The following HSH2D variants were observed in gnomAD, a reference collection of about 807,000 sequenced individuals.
The protein encoded by HSH2D is hematopoietic SH2 domain-containing protein.
A neutral mutation model predicts 21.5 loss-of-function variants in HSH2D; 16 were observed. The ratio of observed to expected loss-of-function variants is 0.74; its 90% confidence interval spans 0.50 to 1.13. The LOEUF is 1.13. Ranked by LOEUF, HSH2D falls within the 50% of genes most tolerant of loss-of-function variation. The pLI, the probability that HSH2D is intolerant of heterozygous loss-of-function variation, is 0.00. For synonymous variants in HSH2D, 172 were observed against 184.7 expected (o/e 0.93, Z 0.56); for missense variants, 418 against 441.4 (o/e 0.95, Z 0.47).
In HSH2D at chr19:16,157,788, C is replaced by A. The variant is rs1321457944; in HGVS notation, c.1053C>A (p.Tyr351Ter). 36 of 1,596,276 alleles carry A rather than the reference C, an allele frequency of 2.3e-5. No individual in the cohort carries two copies. Among genetic ancestry groups the A allele is most frequent in the Non-Finnish European group, 3.0e-5 (35 of 1,175,020 alleles). ...YQQPPPFAPG[Y>*]C ...AACCGCCACCCTTTGCCCCTGGGTA[C>A]TGCTAGAGAACAGGTCCACCCTGGC... Residue 351 changes from tyrosine to a stop codon, truncating the protein, a stop_gained, in exon 6 of 6, where the codon TAC becomes TAA. Coordinates refer to ENST00000613986, the MANE Select transcript of HSH2D (RefSeq NM_001382417.1). LOFTEE classifies it high-confidence loss of function. This position sits in a 1 kb window ranked among gnomAD's most constrained non-coding sequence, Gnocchi z 4.4.
upstream of HSH2D, among the ~76,000 whole-genome samples, chr19:16,138,821 C>T (rs1169409880): frequency 1.1e-4 from 17 of 151,858 alleles, no homozygotes; most frequent in Admixed American, 1.1e-3. Flanking sequence ...TCTGTCTCCT[C>T]ATAGACTGTG....
chr19:16,142,191 A>G (rs570840906), upstream of HSH2D: 23 of 152,212 alleles, frequency 1.5e-4, no homozygotes, highest in Non-Finnish European at 2.6e-4. Flanking sequence ...GTCCAGGCTC[A>G]ATTCAGTTTC....
chr19:16,151,336 AAAAAAAG>A, intron 2 of HSH2D: 2 of 261,258 alleles, frequency 7.7e-6, no homozygotes, highest in South Asian at 3.3e-5. Flanking sequence ...AAAAAAAAAA[AAAAAAAG>A]AGAGAGAGAG....
intron 1 of HSH2D, among the ~76,000 whole-genome samples, chr19:16,134,952 C>T (rs999541300): frequency 6.7e-6 from 1 of 149,898 alleles, no homozygotes; most frequent in African/African-American, 2.5e-5. Flanking sequence ...TAGTGAGACC[C>T]CATCTCTAAA....
chr19:16,154,414 G>A lies in HSH2D; in HGVS notation c.397G>A (p.Val133Met), dbSNP rs555553292. The change falls in exon 5 of 6, where the codon GTG (valine) becomes ATG (methionine). Residue 133 changes from valine (V) to methionine (M), a missense_variant. Physicochemically the swap from Val to Met is conservative, Grantham distance 21 (BLOSUM62 1). Transcript: ENST00000613986. ...QPCRQKDPAN[V>M]DYEDLFLYSN... ...CGCCCTGCAGAAGGATCCCGCAAAC[G>A]TGGATTACGAGGATCTCTTCCTCTA... is the stretch of plus-strand genomic sequence containing the variant. The A allele has an allele frequency of 1.3e-6, 2 of 1,551,140 alleles. No homozygotes were observed. The highest frequency in any genetic ancestry group is 1.2e-5 in the South Asian group (1 of 84,030).
intron 2 of HSH2D, 73 bp from the exon 3 acceptor site, chr19:16,152,479 A>G (rs2091172237): frequency 1.2e-6 from 1 of 851,070 alleles, no homozygotes; most frequent in East Asian, 3.0e-5. Flanking sequence ...GAATGATCCC[A>G]TGGCCCCAGG....
intron 2 of HSH2D, among the ~76,000 whole-genome samples, chr19:16,149,677 C>T (rs2091122293): frequency 6.6e-6 from 1 of 151,234 alleles, no homozygotes; most frequent in Non-Finnish European, 1.5e-5. Context: ...GCCTCTATCT[C>T]CTGGGTTCAA....
chr19:16,151,609 C>T, intron 2 of HSH2D: 1 of 455,678 alleles, frequency 2.2e-6, no homozygotes, highest in Non-Finnish European at 4.4e-6. Flanking sequence ...ACACCTTGAT[C>T]CACCCAAAGG....
At chr19:16,144,930 G>T (rs1465423809) in intron 1 of HSH2D, among the ~76,000 whole-genome samples, 1 of 150,922 alleles carries the variant, frequency 6.6e-6, no homozygotes, top group African/African-American at 2.4e-5. Context: ...CTGACCTCGT[G>T]ATCTGCCTGC....
At chr19:16,154,929 T>G (rs2091218361) in intron 5 of HSH2D, 1 of 156,186 alleles carries the variant, frequency 6.4e-6, no homozygotes, top group Non-Finnish European at 1.4e-5. Context: ...TGCAGCGGAC[T>G]TCCCAAAAGT....
intron 5 of HSH2D, 46 bp downstream of exon 5, chr19:16,154,537 C>A: frequency 7.9e-7 from 1 of 1,271,802 alleles, no homozygotes; most frequent in Non-Finnish European, 1.1e-6. Context: ...GGCTGAGGGG[C>A]AGGAGTGGAG....
intron 3 of HSH2D, 134 bp from the exon 4 acceptor site, chr19:16,152,909 C>A: frequency 9.6e-7 from 1 of 1,040,654 alleles, no homozygotes; most frequent in Non-Finnish European, 1.4e-6. Context: ...GTTGCATGGC[C>A]AGTGAGTGAA....
At chr19:16,137,334 G>A (rs533196100) in intron 1 of HSH2D, among the ~76,000 whole-genome samples, 152 of 152,100 alleles carry the variant, frequency 1.0e-3, no homozygotes, top group African/African-American at 3.5e-3. Context: ...TTATTTTAAA[G>A]CAGGGTCATC....
intron 5 of HSH2D, among the ~76,000 whole-genome samples, chr19:16,156,096 G>T (rs975991000): frequency 6.6e-6 from 1 of 152,048 alleles, no homozygotes; most frequent in African/African-American, 2.4e-5. Flanking sequence ...GCTCACACCT[G>T]TATTCCCAGT....
At chr19:16,153,353 C>T (rs1484973928) in intron 4 of HSH2D, 145 bp downstream of exon 4, 13 of 771,434 alleles carry the variant, frequency 1.7e-5, no homozygotes, top group Non-Finnish European at 2.4e-5. Flanking sequence ...CCAGTAGTCC[C>T]TCTGCCCCCC....
Position 16,154,436 on chromosome 19 carries a change from T to G in HSH2D, c.419T>G (p.Leu140Arg). The change falls in exon 5 of 6, where the codon CTC becomes CGC. Residue 140 changes from leucine (L) to arginine (R), a missense_variant. By Grantham distance (102) the Leu-to-Arg change is moderately radical (BLOSUM62 -2). Transcript: ENST00000613986. Reference protein sequence around the residue: ...PANVDYEDLFLYSNAVAEEAA... With the variant: ...PANVDYEDLFRYSNAVAEEAA... ...AACGTGGATTACGAGGATCTCTTCC[T>G]CTACTCCAACGCAGTGGCCGAGGAA... 1 of 1,552,424 alleles carries G rather than the reference T, an allele frequency of 6.4e-7. No individual in the cohort carries two copies. The highest frequency in any genetic ancestry group is 8.7e-7 in the Non-Finnish European group (1 of 1,147,558).
At chr19:16,144,996 C>T (rs2091046870) in intron 1 of HSH2D, among the ~76,000 whole-genome samples, 2 of 148,100 alleles carry the variant, frequency 1.4e-5, no homozygotes, top group African/African-American at 2.5e-5. Flanking sequence ...CTGTCCCAGG[C>T]TCTTTTTTTG....
intron 5 of HSH2D, among the ~76,000 whole-genome samples, chr19:16,156,349 A>C (rs2091236761): frequency 6.8e-6 from 1 of 147,840 alleles, no homozygotes; most frequent in Non-Finnish European, 1.5e-5. Context: ...GACCCTCTCA[A>C]AAAAAAAAAA....
chr19:16,151,719 G>A (rs976142541), intron 2 of HSH2D: 15 of 354,646 alleles, frequency 4.2e-5, no homozygotes, highest in Admixed American at 4.1e-4. Context: ...TAGCTCCTCG[G>A]GGGGAACATC....
Sources: gnomAD v4.1 joint callset for allele counts (sites outside exome capture counted in the v4.1 genomes callset) on GRCh38, gnomAD v4.1.1 for gene constraint, Gnocchi (gnomAD v3.1) non-coding constraint, MANE v1.5 for transcripts, NCBI Gene and HGNC (gene_info 2026-07-23, HGNC 2026-07-21) for gene names.